The following RPS6KA2 variants were observed in gnomAD, a reference collection of about 807,000 sequenced individuals.
RPS6KA2 encodes ribosomal protein S6 kinase A2.
A neutral mutation model predicts 91.8 loss-of-function variants in RPS6KA2; 42 were observed. That is an observed-to-expected ratio of 0.46 (90% CI 0.36 to 0.59). The LOEUF (loss-of-function observed/expected upper bound fraction) is 0.59, where lower values mean the gene tolerates loss of function less well. RPS6KA2 is among the 20% of genes least tolerant of loss of function. The pLI, the probability that RPS6KA2 is intolerant of heterozygous loss-of-function variation, is 0.00. For synonymous variants in RPS6KA2, 414 were observed against 393.6 expected (o/e 1.05, Z -0.61); for missense variants, 798 against 978.5 (o/e 0.82, Z 2.46).
intron 10 of RPS6KA2, among the ~76,000 whole-genome samples, chr6:166,486,278 G>A (rs1209280083): frequency 4.0e-5 from 6 of 150,666 alleles, no homozygotes; most frequent in Admixed American, 6.6e-5. Flanking sequence ...ACATGTGCAC[G>A]CACACGCATG....
chr6:166,623,680 G>A (rs1250761202), intron 1 of RPS6KA2, among the ~76,000 whole-genome samples: 1 of 152,180 alleles, frequency 6.6e-6, no homozygotes, highest in Non-Finnish European at 1.5e-5. Flanking sequence ...AGGCAATACT[G>A]TCAATGCCCT....
chr6:166,495,415 G>A lies in RPS6KA2; in HGVS notation c.747+3093C>T, dbSNP rs896219967. 2.0e-5 allele frequency among the ~76,000 whole-genome samples: 3 copies of A among 152,222 alleles called. No individual in the cohort carries two copies. Among genetic ancestry groups the A allele is most frequent in the African/African-American group, 7.2e-5 (3 of 41,444 alleles). ...CAGTAAGAAATGTCCTGTGCCCAGG[G>A]AGGCACGTGGGAGGAGAGTGCCTGC... On this transcript the variant is annotated intron_variant, in intron 8 of 20. Coordinates refer to ENST00000265678, the MANE Select transcript of RPS6KA2 (RefSeq NM_021135.6). This position sits in a 1 kb window ranked among gnomAD's most constrained non-coding sequence, Gnocchi z 4.4.
chr6:166,767,611 C>T lies in RPS6KA2; in HGVS notation c.123+90589G>A, dbSNP rs911665644. Among the ~76,000 whole-genome samples, 5 of 152,278 alleles carry T rather than the reference C, an allele frequency of 3.3e-5. No homozygotes were observed. Among genetic ancestry groups the T allele is most frequent in the East Asian group, 1.9e-4 (1 of 5,184 alleles). The stretch of plus-strand genomic sequence containing the variant: ...GAACATTCGGCCAGAATGTGTTGAG[C>T]GTCCACAATGTTCCAGGCTTAGCCC... On this transcript the variant is annotated intron_variant, in intron 2 of 21. Transcript: ENST00000503859. The surrounding 1 kb of genome is among the most constrained non-coding windows in gnomAD (Gnocchi z 4.6).
chr6:166,449,959 GGACCACCATGGA>G (rs1157557057), intron 13 of RPS6KA2, among the ~76,000 whole-genome samples: 1 of 150,918 alleles, frequency 6.6e-6, no homozygotes, highest in Non-Finnish European at 1.5e-5. Flanking sequence ...ACCACTACAG[GGACCACCATGGA>G]GACCACCACA....
At chr6:166,613,154 A>G (rs1341768466) in intron 1 of RPS6KA2, among the ~76,000 whole-genome samples, 1 of 152,230 alleles carries the variant, frequency 6.6e-6, no homozygotes, top group Non-Finnish European at 1.5e-5. Flanking sequence ...GTCCTGAAAC[A>G]TGCCTGCTTT....
intron 2 of RPS6KA2, among the ~76,000 whole-genome samples, chr6:166,715,691 C>T (rs538474400): frequency 5.8e-4 from 88 of 152,302 alleles, no homozygotes; most frequent in African/African-American, 1.2e-3. Flanking sequence ...TGCACACACA[C>T]GGCTGCGCTG....
rs960567120 is a variant in RPS6KA2, at chr6:166,732,489, C to T, written c.123+125711G>A. 1.3e-5 allele frequency among the ~76,000 whole-genome samples: 2 copies of T among 152,198 alleles called. No individual in the cohort carries two copies. The highest frequency in any genetic ancestry group is 4.8e-5 in the African/African-American group (2 of 41,456). On this transcript the variant is annotated intron_variant, in intron 2 of 21. Coordinates refer to the RPS6KA2 transcript ENST00000503859. The surrounding 1 kb of genome is among the most constrained non-coding windows in gnomAD (Gnocchi z 4.0). ...CCATCAGGCTACAAACATCCTGGGA[C>T]AGTGAACCGGGAATCACTGAACCTT...
In RPS6KA2 at chr6:166,419,204, T is replaced by C. The variant is rs1309293275; in HGVS notation, c.1820+678A>G. On this transcript the variant is annotated intron_variant, in intron 18 of 20. Transcript: ENST00000265678. The surrounding 1 kb of genome is among the most constrained non-coding windows in gnomAD (Gnocchi z 5.6). ...ACAGGATTCGATGGTCTAGGGTTCT[T>C]TTCTTTTTGCCTCCATTCAAGTATT... is the stretch of plus-strand genomic sequence containing the variant. Among the ~76,000 whole-genome samples, 1 of 152,222 alleles carries C rather than the reference T, an allele frequency of 6.6e-6. No individual in the cohort carries two copies. Among genetic ancestry groups the C allele is most frequent in the African/African-American group, 2.4e-5 (1 of 41,456 alleles).
In RPS6KA2 at chr6:166,448,578, G is replaced by A. The variant is rs890060836; in HGVS notation, c.1332+146C>T. ...CACATATGCTGTGCTCCTATGCTCC[G>A]TGCTCCCATGTGCTGTACATGCTCC... On this transcript the variant is annotated intron_variant, in intron 14 of 20. Transcript: ENST00000265678. This position sits in a 1 kb window ranked among gnomAD's most constrained non-coding sequence, Gnocchi z 4.7. 1.8e-5 allele frequency: 18 copies of A among 992,378 alleles called. No homozygotes were observed. Among genetic ancestry groups the A allele is most frequent in the African/African-American group, 4.9e-5 (3 of 61,622 alleles). The allele number at this position is 992,378 out of a possible 1,614,324, so 61.5% of individuals were successfully genotyped here. A position where few individuals can be genotyped will look rare whatever the true frequency, so the allele number is the denominator to read the frequency against.
chr6:166,696,844 C>T (rs1425286462), intron 2 of RPS6KA2, among the ~76,000 whole-genome samples: 2 of 152,186 alleles, frequency 1.3e-5, no homozygotes, highest in Admixed American at 6.5e-5. Context: ...TTGGACTCAA[C>T]CTGAAACACC....
At chr6:166,669,174 A>G (rs1246115133) in intron 2 of RPS6KA2, among the ~76,000 whole-genome samples, 1 of 152,112 alleles carries the variant, frequency 6.6e-6, no homozygotes, top group Non-Finnish European at 1.5e-5. Context: ...GATTACAGGC[A>G]TGAGCCCCCG....
At position 166,767,048 on chromosome 6, in the gene RPS6KA2, A is replaced by G. The variant is rs1778330715; in HGVS notation, c.123+91152T>C. Among the ~76,000 whole-genome samples the G allele has an allele frequency of 6.6e-6, 1 of 152,182 alleles. No homozygotes were observed. The highest frequency in any genetic ancestry group is 2.4e-5 in the African/African-American group (1 of 41,446). ...GTCTGCACCAACTCACCGCCACGAG[A>G]GTGAATGAAGGTCCCTTCCTTACCT... On this transcript the variant is annotated intron_variant, in intron 2 of 21. Transcript: ENST00000503859. This position sits in a 1 kb window ranked among gnomAD's most constrained non-coding sequence, Gnocchi z 4.6.
rs142309753 is a variant in RPS6KA2 at position 166,767,639 on chromosome 6, G to A, written c.123+90561C>T. Among the ~76,000 whole-genome samples, 7 of 152,160 alleles carry A rather than the reference G, an allele frequency of 4.6e-5. No individual in the cohort carries two copies. Among genetic ancestry groups the A allele is most frequent in the African/African-American group, 1.4e-4 (6 of 41,430 alleles). ...CCACAATGTTCCAGGCTTAGCCCCC[G>A]CACTGCAGCTCCCTAAGTTGCTTTG... On this transcript the variant is annotated intron_variant, in intron 2 of 21. Coordinates refer to the RPS6KA2 transcript ENST00000503859. The surrounding 1 kb of genome is among the most constrained non-coding windows in gnomAD (Gnocchi z 4.6).
At chr6:166,586,569 A>C in intron 1 of RPS6KA2, 1 of 1,265,078 alleles carries the variant, frequency 7.9e-7, no homozygotes, top group Non-Finnish European at 1.1e-6. Context: ...GCTCAGGCCG[A>C]ACCCCGCCGG....
rs913833874 is a variant in RPS6KA2 at position 166,445,706 on chromosome 6, C to G, written c.1332+3018G>C. ...CTCGGTGGGGACATTTCTGGGTCAT[C>G]CCTGCCATTGAATGGGAGGATGCCC... On this transcript the variant is annotated intron_variant, in intron 14 of 20. Coordinates refer to ENST00000265678, the MANE Select transcript of RPS6KA2 (RefSeq NM_021135.6). The surrounding 1 kb of genome is among the most constrained non-coding windows in gnomAD (Gnocchi z 4.5). 6.6e-6 allele frequency among the ~76,000 whole-genome samples: 1 copy of G among 152,168 alleles called. No individual in the cohort carries two copies. The highest frequency in any genetic ancestry group is 1.5e-5 in the Non-Finnish European group (1 of 68,032).
At chr6:166,824,799 GTGTGTCTATGTGTGTC>G (rs1253771520) in intron 2 of RPS6KA2, among the ~76,000 whole-genome samples, 2 of 145,558 alleles carry the variant, frequency 1.4e-5, no homozygotes, top group African/African-American at 2.5e-5. Context: ...GTGTGTGTCT[GTGTGTCTATGTGTGTC>G]TGTGTGTGTC....
At chr6:166,681,020 C>A (rs143938717) in intron 2 of RPS6KA2, among the ~76,000 whole-genome samples, 7 of 152,228 alleles carry the variant, frequency 4.6e-5, no homozygotes, top group Admixed American at 1.3e-4. Flanking sequence ...AGCCGCTTGT[C>A]TCTCCCATAT....
intron 1 of RPS6KA2, among the ~76,000 whole-genome samples, chr6:166,558,931 T>C (rs1166260354): frequency 6.6e-6 from 1 of 152,202 alleles, no homozygotes; most frequent in African/African-American, 2.4e-5. Context: ...CTTGAAAGAT[T>C]ATATTGGAGT....
intron 12 of RPS6KA2, among the ~76,000 whole-genome samples, chr6:166,451,997 A>G (rs1026842624): frequency 1.3e-5 from 2 of 152,264 alleles, no homozygotes; most frequent in Admixed American, 1.3e-4. Flanking sequence ...ATCAATGAGA[A>G]AAGAGCAAAA....
Sources: gnomAD v4.1 joint callset for allele counts (sites outside exome capture counted in the v4.1 genomes callset) on GRCh38, gnomAD v4.1.1 for gene constraint, Gnocchi (gnomAD v3.1) non-coding constraint, MANE v1.5 for transcripts, NCBI Gene and HGNC (gene_info 2026-07-23, HGNC 2026-07-21) for gene names.